The following SLC39A12 variants were observed in gnomAD, a reference collection of about 807,000 sequenced individuals.
SLC39A12 encodes zinc transporter ZIP12.
SLC39A12 carries 63 observed loss-of-function variants against 71.1 expected under a neutral mutation model. The ratio of observed to expected loss-of-function variants is 0.89; its 90% CI spans 0.72 to 1.09. The LOEUF (loss-of-function observed/expected upper bound fraction) is 1.09. Ranked by LOEUF, SLC39A12 falls within the 50% of genes least tolerant of loss-of-function variation. The pLI is 0.00. For synonymous variants in SLC39A12, 351 were observed against 301.3 expected (o/e 1.16, Z -1.71); for missense variants, 892 against 812.6 (o/e 1.10, Z -1.19).
At chr10:18,034,475 C>T (rs967488689) in intron 12 of SLC39A12, among the ~76,000 whole-genome samples, 2 of 152,062 alleles carry the variant, frequency 1.3e-5, no homozygotes, top group Admixed American at 6.6e-5. Flanking sequence ...GCAACCCCTG[C>T]CTTTTTTTGT....
chr10:17,965,768 T>A, intron 4 of SLC39A12, 78 bp downstream of exon 4: 1 of 1,166,090 alleles, frequency 8.6e-7, no homozygotes, highest in Non-Finnish European at 1.2e-6. Context: ...GCCAAAGCTC[T>A]TGATGACTGA....
intron 4 of SLC39A12, among the ~76,000 whole-genome samples, chr10:17,974,238 CTG>C (rs920738261): frequency 6.6e-6 from 1 of 152,130 alleles, no homozygotes; most frequent in African/African-American, 2.4e-5. Context: ...TCACATATCT[CTG>C]TTTCTCCAGA....
At chr10:17,955,216 T>C (rs1834510593) in intron 2 of SLC39A12, among the ~76,000 whole-genome samples, 1 of 152,156 alleles carries the variant, frequency 6.6e-6, no homozygotes, top group South Asian at 2.1e-4. Flanking sequence ...AAGGATTGTT[T>C]AGCACTTACT....
At chr10:17,996,936 T>C (rs963628420) in intron 10 of SLC39A12, among the ~76,000 whole-genome samples, 9 of 145,706 alleles carry the variant, frequency 6.2e-5, no homozygotes, top group African/African-American at 2.0e-4. Flanking sequence ...AGGCGGAGCT[T>C]GCAGGGAGGC....
intron 10 of SLC39A12, among the ~76,000 whole-genome samples, chr10:17,996,010 T>A (rs952665793): frequency 2.6e-5 from 4 of 152,224 alleles, no homozygotes; most frequent in Non-Finnish European, 4.4e-5. Context: ...TGTGTGTTTA[T>A]CATAGCTCAT....
At chr10:18,036,342 A>G (rs1256546512) in intron 12 of SLC39A12, among the ~76,000 whole-genome samples, 2 of 151,872 alleles carry the variant, frequency 1.3e-5, no homozygotes, top group Non-Finnish European at 2.9e-5. Context: ...GTGGGATATA[A>G]TCTCGTGGTG....
At position 18,041,700 on chromosome 10, in the gene SLC39A12, T is replaced by C. The variant is rs1292439736; in HGVS notation, c.1948-1005T>C. ...GTATATACATATGTATATATGTGTA[T>C]ATATATGTATATACATATGTATATA... On this transcript the variant is annotated intron_variant, in intron 12 of 12. Transcript: ENST00000377369. Among the ~76,000 whole-genome samples, 2 of 103,032 alleles carry C rather than the reference T, an allele frequency of 1.9e-5. 1 individual carries two copies. The highest frequency in any genetic ancestry group is 4.0e-5 in the Non-Finnish European group (2 of 49,600). 67.6% of individuals were successfully genotyped at this position (103,032 alleles called of 152,430 possible).
intron 2 of SLC39A12, among the ~76,000 whole-genome samples, chr10:17,953,960 G>A (rs1373137668): frequency 6.6e-6 from 1 of 152,076 alleles, no homozygotes; most frequent in East Asian, 1.9e-4. Flanking sequence ...ACTTTTTCCT[G>A]GCATGGTATT....
intron 12 of SLC39A12, among the ~76,000 whole-genome samples, chr10:18,015,817 AGTCACAT>A (rs1836363741): frequency 6.6e-6 from 1 of 151,966 alleles, no homozygotes; most frequent in Admixed American, 6.6e-5. Context: ...GGTGGCCAGT[AGTCACAT>A]GTGGCTATTA....
chr10:17,996,915 G>A (rs796954913), intron 10 of SLC39A12, among the ~76,000 whole-genome samples: 16 of 150,762 alleles, frequency 1.1e-4, no homozygotes, highest in African/African-American at 3.4e-4. Flanking sequence ...GGAGAATGGC[G>A]TGAACCCGGG....
At position 18,042,923 on chromosome 10, in the gene SLC39A12, A is replaced by C. The variant is rs186025289; in HGVS notation, c.*90A>C. The C allele has an allele frequency of 1.6e-5, 18 of 1,124,074 alleles. No individual in the cohort carries two copies. The highest frequency in any genetic ancestry group is 1.9e-5 in the Non-Finnish European group (16 of 840,820). 69.6% of individuals were successfully genotyped at this position (1,124,074 alleles called of 1,614,324 possible). On this transcript the variant is annotated 3_prime_UTR_variant, in exon 13 of 13. Transcript: ENST00000377369. Reference sequence around the variant, plus strand: ...CTCTATAATGATTTTTAAATTAAGAATTTTTTATCTTAGGCAAAGTGTGTC... The same window carrying C: ...CTCTATAATGATTTTTAAATTAAGACTTTTTTATCTTAGGCAAAGTGTGTC...
chr10:17,978,323 A>G (rs752551620), intron 5 of SLC39A12, among the ~76,000 whole-genome samples: 8 of 152,216 alleles, frequency 5.3e-5, no homozygotes, highest in Non-Finnish European at 1.0e-4. Context: ...GTTCAGATTG[A>G]GTGAATTAAT....
At chr10:17,989,727 TGGC>T (rs938651455) in intron 7 of SLC39A12, among the ~76,000 whole-genome samples, 7 of 152,094 alleles carry the variant, frequency 4.6e-5, no homozygotes, top group African/African-American at 7.2e-5. Context: ...GAGACCAGCC[TGGC>T]CAACATGGTG....
At chr10:18,041,825 A>G (rs1023186320) in intron 12 of SLC39A12, among the ~76,000 whole-genome samples, 7 of 144,572 alleles carry the variant, frequency 4.8e-5, no homozygotes, top group Non-Finnish European at 7.4e-5. Context: ...ACGTATATGT[A>G]TGTACATACA....
At chr10:17,956,682 G>A (rs1398905265) in intron 2 of SLC39A12, among the ~76,000 whole-genome samples, 2 of 152,110 alleles carry the variant, frequency 1.3e-5, no homozygotes, top group Non-Finnish European at 2.9e-5. Context: ...GATTTTAAAC[G>A]AAGTTCTCCA....
intron 12 of SLC39A12, among the ~76,000 whole-genome samples, chr10:18,032,727 C>T (rs1836884922): frequency 1.3e-5 from 2 of 151,944 alleles, no homozygotes; most frequent in Admixed American, 1.3e-4. Flanking sequence ...TGTCTTGTGC[C>T]AGTTTTCAAA....
At chr10:18,029,271 A>G (rs1025129714) in intron 12 of SLC39A12, among the ~76,000 whole-genome samples, 3 of 152,168 alleles carry the variant, frequency 2.0e-5, no homozygotes, top group African/African-American at 7.2e-5. Flanking sequence ...ACTTGCGAGG[A>G]CCATTCTCTG....
intron 12 of SLC39A12, among the ~76,000 whole-genome samples, chr10:18,025,764 AG>A (rs1836661247): frequency 6.6e-6 from 1 of 152,170 alleles, no homozygotes; most frequent in East Asian, 1.9e-4. Flanking sequence ...ATGGGATTGC[AG>A]GGTCAAATTG....
intron 4 of SLC39A12, among the ~76,000 whole-genome samples, chr10:17,967,901 AT>A (rs1564640966): frequency 0.033 from 1,861 of 55,960 alleles, 42 homozygotes; most frequent in African/African-American, 0.11. Context: ...AAAAAAAAAT[AT>A]ATATATATAT....
Sources: gnomAD v4.1 joint callset for allele counts (sites outside exome capture counted in the v4.1 genomes callset) on GRCh38, gnomAD v4.1.1 for gene constraint, MANE v1.5 for transcripts, NCBI Gene and HGNC (gene_info 2026-07-23, HGNC 2026-07-21) for gene names.